EXTL3: variants seen among roughly 807,000 people sequenced by gnomAD.
The protein encoded by EXTL3 is exostosin like glycosyltransferase 3, also known as exostosin-like 3.
A neutral mutation model predicts 69.3 loss-of-function variants in EXTL3; 27 were observed. The ratio of observed to expected loss-of-function variants is 0.39; its 90% CI spans 0.29 to 0.54. EXTL3 has a LOEUF of 0.54. Among genes scored for constraint, EXTL3 ranks in the 20% least tolerant of loss-of-function variants. The pLI, the probability that EXTL3 is intolerant of heterozygous loss-of-function variation, is 0.69. For missense variants in EXTL3, 1,003 were observed against 1,231.8 expected, an observed-to-expected ratio of 0.81 and a Z score of 2.78; for synonymous variants, 511 against 499.4, an observed-to-expected ratio of 1.02 and a Z score of -0.31.
chr8:28,729,595 CAAAAAAAAAAAAAAAA>C (rs567929424), intron 3 of EXTL3, among the ~76,000 whole-genome samples: 958 of 33,300 alleles, frequency 0.029, 26 homozygotes, highest in African/African-American at 0.083. Flanking sequence ...GACTCCATCT[CAAAAAAAAAAAAAAAA>C]AAAAAAAAAA....
chr8:28,711,434 A>C lies in EXTL3; in HGVS notation c.-569-2023A>C, dbSNP rs1356039375. On this transcript the variant is annotated intron_variant, in intron 1 of 6. Transcript: ENST00000220562. ...GAATTTATGCATAAATTTTCCTCTT[A>C]GCACTGTTTTAGCCATGTTCCCATT... Among the ~76,000 whole-genome samples the C allele has an allele frequency of 2.0e-5, 3 of 152,136 alleles. 1 individual carries two copies. Among genetic ancestry groups the C allele is most frequent in the African/African-American group, 7.2e-5 (3 of 41,414 alleles).
In EXTL3 at chr8:28,685,230, G is replaced by A. The variant is rs138053251; in HGVS notation, c.-52-28227G>A. 2.5e-3 allele frequency among the ~76,000 whole-genome samples: 386 copies of A among 152,198 alleles called. 4 individuals are homozygous for A. Among genetic ancestry groups the A allele is most frequent in the African/African-American group, 9.1e-3 (377 of 41,542 alleles). On this transcript the variant is annotated intron_variant, in intron 1 of 6. Transcript: ENST00000523149. ...CTCCCAAAGTGCTGGGATTACAGGC[G>A]TGAGCCACCATGCCCAGCCAAGTAA...
Position 28,716,383 on chromosome 8 carries a change from C to G in EXTL3, c.324C>G (p.Ala108=). 10 of 1,613,916 alleles carry G rather than the reference C, an allele frequency of 6.2e-6. No individual in the cohort carries two copies. Among genetic ancestry groups the G allele is most frequent in the Non-Finnish European group, 8.5e-6 (10 of 1,180,010 alleles). Residue 108 remains alanine, a synonymous_variant, in exon 3 of 7, where the codon GCC becomes GCG. Coordinates refer to ENST00000220562, the MANE Select transcript of EXTL3 (RefSeq NM_001440.4). This position sits in a 1 kb window ranked among gnomAD's most constrained non-coding sequence, Gnocchi z 7.1. ...GCCAAGAGCTGAACAGCGAGATCGC[C>G]AAGCTGAATCTGAAGATCGAAGCCT... ...AKRQELNSEI[A]KLNLKIEACK...
chr8:28,614,067 G>A (rs1426923288), intron 2 of EXTL3, among the ~76,000 whole-genome samples: 2 of 151,842 alleles, frequency 1.3e-5, no homozygotes, highest in Admixed American at 1.3e-4. Context: ...CTGGCCTCAA[G>A]CAATCTTCCT....
chr8:28,629,901 AAG>A (rs1036731083), intron 1 of EXTL3, among the ~76,000 whole-genome samples: 27 of 151,468 alleles, frequency 1.8e-4, no homozygotes, highest in African/African-American at 2.2e-4. Flanking sequence ...GCAGAGATGC[AAG>A]AGAGAGAGAG....
intron 3 of EXTL3, among the ~76,000 whole-genome samples, chr8:28,722,558 T>G (rs1801315390): frequency 6.6e-6 from 1 of 151,996 alleles, no homozygotes; most frequent in Non-Finnish European, 1.5e-5. Context: ...GGTGGACTGC[T>G]TGAGCCTAGG....
chr8:28,700,896 G>A (rs1443738467), upstream of EXTL3: 1 of 152,368 alleles, frequency 6.6e-6, no homozygotes, highest in Non-Finnish European at 1.5e-5. Context: ...CACAGGGGCT[G>A]GCTTTTCAGC....
At chr8:28,739,850 A>G (rs1801739038) in intron 5 of EXTL3, 2 of 152,320 alleles carry the variant, frequency 1.3e-5, no homozygotes, top group Non-Finnish European at 1.5e-5. Flanking sequence ...TGCTCAGCTA[A>G]GAAGGAGCCA....
At chr8:28,619,266 T>TAAAAAAAAAAA (rs755355444), upstream of EXTL3, among the ~76,000 whole-genome samples, 26 of 64,648 alleles carry the variant, frequency 4.0e-4, 2 homozygotes, top group Non-Finnish European at 5.3e-4. Flanking sequence ...AGCTTAGTGA[T>TAAAAAAAAAAA]AAAAAAAAAA....
chr8:28,691,572 A>ATTTTTTTTTTTTTTTTTTTTTT lies in EXTL3; in HGVS notation c.-52-21873_-52-21872insTTTTTTTTTTTTTTTTTTTTTT, dbSNP rs71222571. 5.2e-3 allele frequency among the ~76,000 whole-genome samples: 703 copies of ATTTTTTTTTTTTTTTTTTTTTT among 135,112 alleles called. 58 individuals carry two copies. The highest frequency in any genetic ancestry group is 0.021 in the African/African-American group (648 of 30,682). 88.6% of individuals were successfully genotyped at this position (135,112 alleles called of 152,430 possible). ...TGGTAAATATTTATCAGTTTTTGTG[A>ATTTTTTTTTTTTTTTTTTTTTT]TTTTTTTTTTTTGCTATTGTGTTCC... On this transcript the variant is annotated intron_variant, in intron 1 of 6. Coordinates refer to the EXTL3 transcript ENST00000523149.
At chr8:28,735,379 C>G (rs1052046559) in intron 4 of EXTL3, among the ~76,000 whole-genome samples, 3 of 152,202 alleles carry the variant, frequency 2.0e-5, no homozygotes, top group Non-Finnish European at 4.4e-5. Context: ...AGCCTATTAA[C>G]ATAGCTGGCA....
rs144309295 is a variant in EXTL3, at chr8:28,730,409, G to T, written c.2149-814G>T. 6.6e-5 allele frequency among the ~76,000 whole-genome samples: 10 copies of T among 152,298 alleles called. No individual in the cohort carries two copies. The East Asian group carries it at 1.9e-3, about 29-fold the overall frequency. On this transcript the variant is annotated intron_variant, in intron 3 of 6. Coordinates refer to ENST00000220562, the MANE Select transcript of EXTL3 (RefSeq NM_001440.4). ...AATAAAATGAGCCATCCAAGTACTG[G>T]CTGTGGTCATCATTTATATGAGTAT...
rs567065712 is a variant in EXTL3 at position 28,643,408 on chromosome 8, C to CA, written c.-53+20598_-53+20599insA. Among the ~76,000 whole-genome samples the CA allele has an allele frequency of 7.7e-4, 105 of 137,092 alleles. 1 individual carries two copies. The highest frequency in any genetic ancestry group is 2.8e-3 in the African/African-American group (96 of 33,810). 89.9% of individuals were successfully genotyped at this position (137,092 alleles called of 152,430 possible). ...TTTGAACCTATCATTCTCCTGCTTT[C>CA]TTTTTTTTTCTTTTTTTCTTTTTTG... On this transcript the variant is annotated intron_variant, in intron 1 of 6. Coordinates refer to the EXTL3 transcript ENST00000523149.
Position 28,615,035 on chromosome 8 carries a change from A to G in EXTL3, n.314+7277A>G, listed in dbSNP as rs941721815. ...CCCGCCCTCCAAATTATGTTGTTTA[A>G]TCTCCAAATATTTGAGAATTTTCCA... On this transcript the variant is annotated intron_variant and non_coding_transcript_variant, in intron 2 of 4. Transcript: ENST00000522725. 9.2e-5 allele frequency among the ~76,000 whole-genome samples: 12 copies of G among 129,736 alleles called. No homozygotes were observed. The Admixed American group carries it at 1.1e-3, about 12-fold the overall frequency. The allele number at this position is 129,736 out of a possible 152,430, so 85.1% of individuals were successfully genotyped here.
rs55737430 is a variant in EXTL3, at chr8:28,713,903, C to CTTT, written c.-476+371_-476+373dup. On this transcript the variant is annotated intron_variant, in intron 2 of 6. Transcript: ENST00000220562. ...TTCTAATATCCTCTTTTCTTTCTTT[C>CTTT]TTTTTTTTTTTTTTTTTTTTGAGAT... Among the ~76,000 whole-genome samples the CTTT allele has an allele frequency of 9.0e-3, 1,021 of 113,750 alleles. 28 individuals carry two copies. The highest frequency in any genetic ancestry group is 0.033 in the African/African-American group (933 of 28,208). The allele number at this position is 113,750 out of a possible 152,430, so 74.6% of individuals were successfully genotyped here.
chr8:28,691,871 TG>T (rs1800621459), intron 1 of EXTL3, among the ~76,000 whole-genome samples: 1 of 152,044 alleles, frequency 6.6e-6, no homozygotes, highest in African/African-American at 2.4e-5. Context: ...CACTCCAGCC[TG>T]GGGGGCAACA....
rs201652678 is a variant in EXTL3 at position 28,744,655 on chromosome 8, G to A, written c.2550+1441G>A. On this transcript the variant is annotated intron_variant, in intron 6 of 6. Transcript: ENST00000220562. ...TAAAAATATAAAAAATTAGCCAGGC[G>A]TGGTGGCACGCACCTGTAGTCTCAG... is the stretch of plus-strand genomic sequence containing the variant. Among the ~76,000 whole-genome samples the A allele has an allele frequency of 1.4e-4, 21 of 152,266 alleles. No individual in the cohort carries two copies. In the East Asian group the frequency reaches 3.5e-3, roughly 25 times the overall value.
intron 1 of EXTL3, among the ~76,000 whole-genome samples, chr8:28,665,243 T>G (rs1807177939): frequency 6.6e-6 from 1 of 151,190 alleles, no homozygotes; most frequent in Admixed American, 6.6e-5. Flanking sequence ...CCTGACTCAT[T>G]TTTGTATTTT....
chr8:28,619,022 G>T (rs1419425751), upstream of EXTL3, among the ~76,000 whole-genome samples: 5 of 150,146 alleles, frequency 3.3e-5, no homozygotes, highest in Non-Finnish European at 7.4e-5. Flanking sequence ...AACCTGGGAG[G>T]CGGAGGTTGC....
Sources: allele counts gnomAD v4.1 joint callset (sites outside exome capture counted in the v4.1 genomes callset), GRCh38; gene constraint gnomAD v4.1.1; non-coding constraint Gnocchi (gnomAD v3.1); transcripts MANE v1.5; gene names NCBI Gene and HGNC (gene_info 2026-07-23, HGNC 2026-07-21).